LRBA: variants seen among roughly 807,000 people sequenced by gnomAD.
LRBA encodes LPS responsive beige-like anchor protein.
LRBA carries 176 observed loss-of-function variants against 330.0 expected under a neutral mutation model. The ratio of observed to expected loss-of-function variants is 0.53; its 90% CI spans 0.47 to 0.60. LRBA has a LOEUF of 0.60. LRBA is among the 20% of genes least tolerant of loss of function. The pLI is 0.00. For synonymous variants in LRBA, 1,230 were observed against 1,193.0 expected, an observed-to-expected ratio of 1.03 and a Z score of -0.64; for missense variants, 3,259 against 3,444.8, an observed-to-expected ratio of 0.95 and a Z score of 1.35.
chr4:150,653,891 G>A (rs1378134495), intron 37 of LRBA, among the ~76,000 whole-genome samples: 2 of 152,028 alleles, frequency 1.3e-5, no homozygotes, highest in East Asian at 1.9e-4. Context: ...TTGAAAGACT[G>A]TCATTTTGGG....
chr4:150,288,066 A>G (rs1000323096), intron 53 of LRBA, among the ~76,000 whole-genome samples: 6 of 149,246 alleles, frequency 4.0e-5, no homozygotes, highest in African/African-American at 1.5e-4. Context: ...ATCTCGACTC[A>G]CTGCCAGCTC....
At chr4:150,657,272 T>C (rs1334249195) in intron 37 of LRBA, among the ~76,000 whole-genome samples, 4 of 152,184 alleles carry the variant, frequency 2.6e-5, no homozygotes, top group African/African-American at 7.2e-5. Flanking sequence ...AAAAACAAAA[T>C]ATAATTTTTC....
At chr4:150,487,707 C>A (rs1758048946) in intron 42 of LRBA, 25 bp downstream of exon 42, 2 of 1,418,216 alleles carry the variant, frequency 1.4e-6, no homozygotes, top group Non-Finnish European at 9.9e-7. Flanking sequence ...TTTACTTTCC[C>A]TAAGTTTCTC....
chr4:150,976,991 G>A (rs140795107), intron 2 of LRBA, among the ~76,000 whole-genome samples: 15 of 152,306 alleles, frequency 9.8e-5, no homozygotes, highest in African/African-American at 2.6e-4. Context: ...TCACCACCGT[G>A]GCTTAAAGTG....
At chr4:150,444,031 A>G (rs1430681306) in intron 44 of LRBA, among the ~76,000 whole-genome samples, 1 of 151,504 alleles carries the variant, frequency 6.6e-6, no homozygotes, top group Non-Finnish European at 1.5e-5. Context: ...AAATACTATT[A>G]AAGTTTTTAT....
intron 34 of LRBA, among the ~76,000 whole-genome samples, chr4:150,796,661 A>G (rs1173798010): frequency 6.6e-6 from 1 of 151,974 alleles, no homozygotes; most frequent in Admixed American, 6.5e-5. Flanking sequence ...TATGCAATAT[A>G]CTATATTGGA....
chr4:150,365,766 G>C (rs1739379672), intron 47 of LRBA, among the ~76,000 whole-genome samples: 1 of 144,608 alleles, frequency 6.9e-6, no homozygotes, highest in Non-Finnish European at 1.5e-5. Flanking sequence ...ACTCCAGCCT[G>C]GGTAACAAGA....
intron 35 of LRBA, among the ~76,000 whole-genome samples, chr4:150,747,086 A>C (rs1305202082): frequency 6.6e-6 from 1 of 152,146 alleles, no homozygotes; most frequent in Non-Finnish European, 1.5e-5. Flanking sequence ...CATTGTTGTT[A>C]AACTTTTATA....
At chr4:150,910,257 T>G (rs1282210114) in intron 9 of LRBA, among the ~76,000 whole-genome samples, 1 of 152,216 alleles carries the variant, frequency 6.6e-6, no homozygotes, top group Non-Finnish European at 1.5e-5. Flanking sequence ...GCTTTTCCCT[T>G]GTGTATTCTT....
intron 34 of LRBA, among the ~76,000 whole-genome samples, chr4:150,781,775 T>C (rs1738260700): frequency 6.6e-6 from 1 of 152,186 alleles, no homozygotes. Context: ...TGCACCTTTT[T>C]TTCTGAGTCA....
intron 2 of LRBA, among the ~76,000 whole-genome samples, chr4:150,938,851 C>T (rs1361949006): frequency 6.6e-6 from 1 of 152,158 alleles, no homozygotes; most frequent in Non-Finnish European, 1.5e-5. Flanking sequence ...TAATTTGGGC[C>T]TCTCTGTTCT....
chr4:150,467,539 G>A, intron 44 of LRBA, 134 bp downstream of exon 44: 3 of 557,884 alleles, frequency 5.4e-6, no homozygotes, highest in Middle Eastern at 4.9e-4. Context: ...TTGAAAATCT[G>A]TTTAAGAGAT....
chr4:150,869,215 G>A lies in LRBA; in HGVS notation c.2450-910C>T, dbSNP rs575457413. 6.6e-5 allele frequency among the ~76,000 whole-genome samples: 10 copies of A among 151,510 alleles called. No individual in the cohort carries two copies. In the East Asian group the frequency reaches 9.9e-4, roughly 15 times the overall value. The stretch of plus-strand genomic sequence containing the variant: ...ATTACAGGCATGAGCCACCACGGCC[G>A]GCCTACCATAGAGAATTTTTAAAGG... On this transcript the variant is annotated intron_variant, in intron 20 of 56. Transcript: ENST00000651943.
intron 17 of LRBA, among the ~76,000 whole-genome samples, chr4:150,890,931 A>C (rs1729396922): frequency 6.6e-6 from 1 of 152,258 alleles, no homozygotes; most frequent in East Asian, 1.9e-4. Context: ...AAAGTGGTAA[A>C]ATCCTATACA....
At chr4:150,698,162 A>C (rs1254122975) in intron 36 of LRBA, among the ~76,000 whole-genome samples, 5 of 152,166 alleles carry the variant, frequency 3.3e-5, no homozygotes, top group Non-Finnish European at 7.4e-5. Context: ...CAATATTCTA[A>C]GTGCACATGA....
chr4:150,828,959 G>T (rs1273642057), intron 29 of LRBA, among the ~76,000 whole-genome samples: 1 of 151,044 alleles, frequency 6.6e-6, no homozygotes, highest in Non-Finnish European at 1.5e-5. Flanking sequence ...GTGTGTGTGT[G>T]TGTGTCAGTC....
intron 44 of LRBA, among the ~76,000 whole-genome samples, chr4:150,466,268 TGGAATGAGTAAATA>T (rs1436435169): frequency 6.8e-6 from 1 of 146,876 alleles, no homozygotes; most frequent in Non-Finnish European, 1.5e-5. Flanking sequence ...AACATCTTCC[TGGAATGAGTAAATA>T]AGAGAACACA....
chr4:150,628,675 A>G (rs1777080829), intron 37 of LRBA, among the ~76,000 whole-genome samples: 1 of 152,184 alleles, frequency 6.6e-6, no homozygotes, highest in Non-Finnish European at 1.5e-5. Flanking sequence ...TAAAGTTTTG[A>G]AAGAAAGAAG....
At chr4:150,281,324 G>T (rs556863942) in intron 55 of LRBA, among the ~76,000 whole-genome samples, 1 of 152,076 alleles carries the variant, frequency 6.6e-6, no homozygotes, top group African/African-American at 2.4e-5. Flanking sequence ...TGCGTGCCTC[G>T]TGGAGGCCGG....
Sources: gnomAD v4.1 joint callset for allele counts (sites outside exome capture counted in the v4.1 genomes callset) on GRCh38, gnomAD v4.1.1 for gene constraint, MANE v1.5 for transcripts, NCBI Gene and HGNC (gene_info 2026-07-23, HGNC 2026-07-21) for gene names.